Variants in STRBP observed in about 807,000 individuals in gnomAD.
STRBP encodes spermatid perinuclear RNA binding protein.
STRBP carries 13 observed loss-of-function variants against 80.1 expected under a neutral mutation model. That is an observed-to-expected ratio of 0.16 (90% CI 0.11 to 0.26). The LOEUF is 0.26. STRBP is among the 10% of genes least tolerant of loss of function. STRBP has a pLI of 1.00. For synonymous variants in STRBP, 284 were observed against 291.2 expected, an observed-to-expected ratio of 0.98 and a Z score of 0.25; for missense variants, 485 against 815.2, an observed-to-expected ratio of 0.59 and a Z score of 4.93.
At chr9:123,153,379 C>T (rs756178663) in intron 11 of STRBP, among the ~76,000 whole-genome samples, 5 of 151,976 alleles carry the variant, frequency 3.3e-5, no homozygotes, top group Non-Finnish European at 5.9e-5. Flanking sequence ...TCAGTAGAGA[C>T]GGGGTTTCGC....
Position 123,124,731 on chromosome 9 carries a change from A to G in STRBP, c.*866T>C, listed in dbSNP as rs1439757166. On this transcript the variant is annotated 3_prime_UTR_variant, in exon 19 of 19. Coordinates refer to ENST00000348403, the MANE Select transcript of STRBP (RefSeq NM_018387.5). ...AGGGTGATTGATTGATTAATTTATT[A>G]TTTTTAAAAACTTGGAAATTCATAA... is the stretch of plus-strand genomic sequence containing the variant. 2 of 985,308 alleles carry G rather than the reference A, an allele frequency of 2.0e-6. No homozygotes were observed. The highest frequency in any genetic ancestry group is 1.7e-5 in the African/African-American group (1 of 57,256). The allele number at this position is 985,308 out of a possible 1,614,324, so 61.0% of individuals were successfully genotyped here.
At chr9:123,263,857 AATGTATT>A (rs1289059265) in intron 1 of STRBP, among the ~76,000 whole-genome samples, 9 of 152,186 alleles carry the variant, frequency 5.9e-5, no homozygotes, top group African/African-American at 2.2e-4. Context: ...TACATAGGAA[AATGTATT>A]ATGTTTATTA....
At chr9:123,158,245 C>T in intron 10 of STRBP, 87 bp downstream of exon 10, 1 of 1,528,308 alleles carries the variant, frequency 6.5e-7, no homozygotes, top group South Asian at 1.1e-5. Flanking sequence ...CCTAACAACA[C>T]ACAAGAAAAA....
chr9:123,180,648 C>T (rs1029436866), intron 3 of STRBP, among the ~76,000 whole-genome samples: 1 of 152,080 alleles, frequency 6.6e-6, no homozygotes, highest in Admixed American at 6.5e-5. Flanking sequence ...GTGGAACAGA[C>T]CAGAACCCAG....
intron 2 of STRBP, among the ~76,000 whole-genome samples, chr9:123,188,132 T>C (rs2038776323): frequency 6.6e-6 from 1 of 152,152 alleles, no homozygotes; most frequent in Non-Finnish European, 1.5e-5. Flanking sequence ...ATGTAGCCTT[T>C]TGAGACTAGC....
intron 5 of STRBP, among the ~76,000 whole-genome samples, chr9:123,172,377 T>G (rs962242664): frequency 2.0e-5 from 3 of 152,184 alleles, no homozygotes; most frequent in African/African-American, 7.2e-5. Flanking sequence ...ACTACAAGTA[T>G]AGTTAGCCAG....
At chr9:123,219,761 A>T (rs750408532) in intron 2 of STRBP, among the ~76,000 whole-genome samples, 95 of 152,324 alleles carry the variant, frequency 6.2e-4, no homozygotes, top group Admixed American at 4.5e-3. Flanking sequence ...CAGAGTTTTT[A>T]TTCTCATCTG....
At chr9:123,207,403 T>C (rs1477599209) in intron 2 of STRBP, among the ~76,000 whole-genome samples, 3 of 152,222 alleles carry the variant, frequency 2.0e-5, no homozygotes, top group African/African-American at 7.2e-5. Flanking sequence ...AGTTGCAGAA[T>C]AGCATGAACA....
At chr9:123,203,628 T>TG (rs1203983268) in intron 2 of STRBP, among the ~76,000 whole-genome samples, 1 of 152,064 alleles carries the variant, frequency 6.6e-6, no homozygotes, top group Non-Finnish European at 1.5e-5. Flanking sequence ...ACTTCTTAGG[T>TG]GTCTGCTCAA....
intron 2 of STRBP, among the ~76,000 whole-genome samples, chr9:123,233,070 T>C (rs926387902): frequency 6.6e-6 from 1 of 152,200 alleles, no homozygotes; most frequent in African/African-American, 2.4e-5. Context: ...TTTATGTATG[T>C]AAATTTTTTC....
At chr9:123,233,793 C>G (rs574715097) in intron 2 of STRBP, among the ~76,000 whole-genome samples, 2 of 152,298 alleles carry the variant, frequency 1.3e-5, no homozygotes, top group East Asian at 3.9e-4. Context: ...AATGGGAATT[C>G]AAAGAACTTT....
chr9:123,221,682 G>C (rs1202066736), intron 2 of STRBP, among the ~76,000 whole-genome samples: 1 of 152,062 alleles, frequency 6.6e-6, no homozygotes, highest in African/African-American at 2.4e-5. Context: ...CCAGACCAAG[G>C]GTTTTAAAGA....
At position 123,125,070 on chromosome 9, in the gene STRBP, C is replaced by T; in HGVS notation, c.*527G>A. 2 of 985,134 alleles carry T rather than the reference C, an allele frequency of 2.0e-6. No homozygotes were observed. The highest frequency in any genetic ancestry group is 2.4e-6 in the Non-Finnish European group (2 of 829,320). The allele number at this position is 985,134 out of a possible 1,614,324, so 61.0% of individuals were successfully genotyped here. On this transcript the variant is annotated 3_prime_UTR_variant, in exon 19 of 19. Coordinates refer to ENST00000348403, the MANE Select transcript of STRBP (RefSeq NM_018387.5). ...CCCATATTTTATTGGCTTTATTACA[C>T]ACTTCAATATTTACAAAGTTAAAGT...
At position 123,188,525 on chromosome 9, in the gene STRBP, C is replaced by T. The variant is rs553778475; in HGVS notation, c.-164-4227G>A. Among the ~76,000 whole-genome samples the T allele has an allele frequency of 3.8e-3, 585 of 152,034 alleles. 3 individuals are homozygous for T. The highest frequency in any genetic ancestry group is 0.013 in the African/African-American group (558 of 41,444). The stretch of plus-strand genomic sequence containing the variant: ...GGCATGGTGGTGGGCGCCTGTAGTC[C>T]CAGCTACTCGGGAGGCTGAGGCAGG... On this transcript the variant is annotated intron_variant, in intron 2 of 18. Coordinates refer to ENST00000348403, the MANE Select transcript of STRBP (RefSeq NM_018387.5).
chr9:123,202,072 T>C (rs2039346365), intron 2 of STRBP, among the ~76,000 whole-genome samples: 1 of 152,238 alleles, frequency 6.6e-6, no homozygotes, highest in Non-Finnish European at 1.5e-5. Flanking sequence ...GGTTTCCATT[T>C]ATGTAGAATA....
In STRBP at chr9:123,115,449, A is replaced by G. The variant is rs767606070; in HGVS notation, c.*84+480T>C. 29 of 463,246 alleles carry G rather than the reference A, an allele frequency of 6.3e-5. No individual in the cohort carries two copies. The highest frequency in any genetic ancestry group is 1.1e-4 in the Non-Finnish European group (24 of 222,260). 28.7% of individuals were successfully genotyped at this position (463,246 alleles called of 1,614,324 possible). ...AGCCTTTCTCCCTGCACAGAGGAGG[A>G]CTCTCATTCTGTTCAAATCCTCTGC... On this transcript the variant is annotated intron_variant and NMD_transcript_variant, in intron 3 of 3. Transcript: ENST00000471564. The surrounding 1 kb of genome is among the most constrained non-coding windows in gnomAD (Gnocchi z 5.0).
chr9:123,162,894 T>A (rs747140231), intron 6 of STRBP, among the ~76,000 whole-genome samples: 1 of 152,258 alleles, frequency 6.6e-6, no homozygotes, highest in Non-Finnish European at 1.5e-5. Flanking sequence ...TTAATGTTTC[T>A]ATGTCAAAAT....
Position 123,135,757 on chromosome 9 carries a change from C to T in STRBP, c.1773+284G>A, listed in dbSNP as rs2036326785. 3 of 217,810 alleles carry T rather than the reference C, an allele frequency of 1.4e-5. No homozygotes were observed. The South Asian group carries it at 2.6e-4, about 19-fold the overall frequency. The allele number at this position is 217,810 out of a possible 1,614,324, so 13.5% of individuals were successfully genotyped here. A position where few individuals can be genotyped will look rare whatever the true frequency, so the allele number is the denominator to read the frequency against. ...AGGTCCAAATCACCTCAAAACCTGA[C>T]TTCATCAAGAATGACCTCAACCCTC... On this transcript the variant is annotated intron_variant, in intron 16 of 18. Coordinates refer to ENST00000348403, the MANE Select transcript of STRBP (RefSeq NM_018387.5).
chr9:123,212,840 T>A (rs2039758257), intron 2 of STRBP: 2 of 152,230 alleles, frequency 1.3e-5, no homozygotes, highest in African/African-American at 4.8e-5. Context: ...CAGACATTCC[T>A]GTGTGGTTCA....
Sources: gnomAD v4.1 joint callset for allele counts (sites outside exome capture counted in the v4.1 genomes callset) on GRCh38, gnomAD v4.1.1 for gene constraint, Gnocchi (gnomAD v3.1) non-coding constraint, MANE v1.5 for transcripts, NCBI Gene and HGNC (gene_info 2026-07-23, HGNC 2026-07-21) for gene names.